The following PRTG variants were observed in gnomAD, a reference collection of about 807,000 sequenced individuals.
PRTG encodes the protein protogenin.
PRTG carries 67 observed loss-of-function variants against 122.5 expected under a neutral mutation model. That is an observed-to-expected ratio of 0.55 (90% CI 0.45 to 0.67). PRTG has a LOEUF of 0.67. Among genes scored for constraint, PRTG ranks in the 30% least tolerant of loss-of-function variants. The probability of loss-of-function intolerance (pLI) is 0.00; values close to 1 mark genes in which losing one functional copy is unlikely to be tolerated. For missense variants in PRTG, 1,435 were observed against 1,415.4 expected, an observed-to-expected ratio of 1.01 and a Z score of -0.22; for synonymous variants, 554 against 501.1, an observed-to-expected ratio of 1.11 and a Z score of -1.41.
At position 55,619,700 on chromosome 15, in the gene PRTG, T is replaced by C; in HGVS notation, c.*312A>G. Reference sequence around the variant, plus strand: ...GACCGTTCTTTCACATTGCTGACAATGAAACATTCAAATTACACAAGTTTA... The same window carrying C: ...GACCGTTCTTTCACATTGCTGACAACGAAACATTCAAATTACACAAGTTTA... On this transcript the variant is annotated 3_prime_UTR_variant, in exon 20 of 20. Transcript: ENST00000389286. 3.5e-6 allele frequency: 1 copy of C among 288,800 alleles called. No individual in the cohort carries two copies. Among genetic ancestry groups the C allele is most frequent in the East Asian group, 7.1e-5 (1 of 14,014 alleles). 17.9% of individuals were successfully genotyped at this position (288,800 alleles called of 1,614,324 possible).
chr15:55,675,954 G>A lies in PRTG; in HGVS notation c.1382-271C>T, dbSNP rs531849120. 5.9e-5 allele frequency among the ~76,000 whole-genome samples: 9 copies of A among 152,186 alleles called. No homozygotes were observed. In the East Asian group the frequency reaches 1.7e-3, roughly 29 times the overall value. On this transcript the variant is annotated intron_variant, in intron 8 of 19. Coordinates refer to ENST00000389286, the MANE Select transcript of PRTG (RefSeq NM_173814.6). ...ATTTACCATCTAGTCAAAACCCACA[G>A]CAGAGACAATGTACAGTAGTAACAT... is the stretch of plus-strand genomic sequence containing the variant.
intron 1 of PRTG, chr15:55,742,542 C>G (rs533318802): frequency 2.6e-6 from 1 of 381,434 alleles, no homozygotes; most frequent in Non-Finnish European, 4.7e-6. Flanking sequence ...AAGGAAGAGA[C>G]CAGAGTGGAC....
At chr15:55,733,738 A>G in intron 2 of PRTG, among the ~76,000 whole-genome samples, 1 of 152,078 alleles carries the variant, frequency 6.6e-6, no homozygotes, top group East Asian at 1.9e-4. Context: ...GAAGAGGGAA[A>G]ATCACTTGAG....
At chr15:55,712,378 A>C (rs1382084540) in intron 2 of PRTG, among the ~76,000 whole-genome samples, 1 of 152,218 alleles carries the variant, frequency 6.6e-6, no homozygotes, top group African/African-American at 2.4e-5. Context: ...TTTCTGTGCC[A>C]GCAAAGGTTT....
intron 11 of PRTG, among the ~76,000 whole-genome samples, chr15:55,664,121 T>C (rs2059424718): frequency 6.6e-6 from 1 of 152,132 alleles, no homozygotes; most frequent in South Asian, 2.1e-4. Flanking sequence ...TGTCTTGTTT[T>C]GTTTTGGCGG....
At position 55,617,062 on chromosome 15, in the gene PRTG, C is replaced by A. The variant is rs574086353; in HGVS notation, c.*2950G>T. On this transcript the variant is annotated 3_prime_UTR_variant, in exon 20 of 20. Coordinates refer to ENST00000389286, the MANE Select transcript of PRTG (RefSeq NM_173814.6). ...ATATTAGCCCCTTTGAAGTACAATA[C>A]CATGAAGTAATACCACTATGAAAAA... The A allele has an allele frequency of 3.3e-5, 5 of 152,140 alleles. No individual in the cohort carries two copies. The highest frequency in any genetic ancestry group is 1.2e-4 in the African/African-American group (5 of 41,530). 9.4% of individuals were successfully genotyped at this position (152,140 alleles called of 1,614,324 possible). A position where few individuals can be genotyped will look rare whatever the true frequency, so the allele number is the denominator to read the frequency against.
chr15:55,660,951 C>G (rs1041052285), intron 11 of PRTG, among the ~76,000 whole-genome samples: 2 of 152,060 alleles, frequency 1.3e-5, no homozygotes, highest in Non-Finnish European at 2.9e-5. Flanking sequence ...CCATTTGGAG[C>G]AGAGTTAAAC....
intron 2 of PRTG, chr15:55,738,063 TTC>T (rs2031488987): frequency 1.1e-5 from 1 of 94,430 alleles, no homozygotes; most frequent in Admixed American, 1.3e-4. Flanking sequence ...ACACACACTC[TTC>T]CTGTAAATAT....
intron 2 of PRTG, among the ~76,000 whole-genome samples, chr15:55,708,602 C>T (rs9673000): frequency 0.097 from 14,685 of 151,366 alleles, 843 homozygotes; most frequent in Middle Eastern, 0.18. Context: ...AGCAAGACTC[C>T]GTCTCAAAAA....
At position 55,620,544 on chromosome 15, in the gene PRTG, TCACAGC is replaced by T; in HGVS notation, c.3198+113_3198+118del. The stretch of plus-strand genomic sequence containing the variant: ...AGAGCCATGCCCCAAATTAATAAAA[TCACAGC>T]CATGAAGAACACAGAAAATTAAAAT... On this transcript the variant is annotated intron_variant, in intron 19 of 19. Transcript: ENST00000389286. 2.9e-6 allele frequency: 4 copies of T among 1,394,938 alleles called. No individual in the cohort carries two copies. The Admixed American group carries it at 1.2e-4, about 41-fold the overall frequency. 86.4% of individuals were successfully genotyped at this position (1,394,938 alleles called of 1,614,324 possible).
chr15:55,680,252 A>G (rs758208556), intron 5 of PRTG, 40 bp from the exon 6 acceptor site: 1 of 1,470,264 alleles, frequency 6.8e-7, no homozygotes, highest in African/African-American at 1.4e-5. Flanking sequence ...CAATGTAACA[A>G]ATAACCTGAA....
intron 15 of PRTG, among the ~76,000 whole-genome samples, chr15:55,633,827 T>G (rs577472168): frequency 3.9e-5 from 6 of 152,224 alleles, no homozygotes; most frequent in Non-Finnish European, 8.8e-5. Flanking sequence ...AAAAGTTCTC[T>G]GCATTTAACA....
At chr15:55,647,299 C>CA (rs1165059131) in intron 11 of PRTG, among the ~76,000 whole-genome samples, 1 of 152,070 alleles carries the variant, frequency 6.6e-6, no homozygotes, top group East Asian at 1.9e-4. Context: ...AAGGAAGAGT[C>CA]AGAGCCAGAA....
Position 55,615,947 on chromosome 15 carries a change from A to G in PRTG, c.*4065T>C, listed in dbSNP as rs2059140098. The stretch of plus-strand genomic sequence containing the variant: ...ATCCTGGGTTGTCAACCACGAGCAC[A>G]TTTCTGGCAGAAGTCCTTAACAAAG... On this transcript the variant is annotated 3_prime_UTR_variant, in exon 20 of 20. Transcript: ENST00000389286. 1.3e-5 allele frequency: 2 copies of G among 152,100 alleles called. No individual in the cohort carries two copies. Among genetic ancestry groups the G allele is most frequent in the Non-Finnish European group, 2.9e-5 (2 of 67,998 alleles). The allele number at this position is 152,100 out of a possible 1,614,324, so 9.4% of individuals were successfully genotyped here.
At chr15:55,635,071 C>T in intron 15 of PRTG, among the ~76,000 whole-genome samples, 1 of 31,582 alleles carries the variant, frequency 3.2e-5, no homozygotes, top group Non-Finnish European at 6.0e-5. Context: ...GTTGTTGGTT[C>T]TGGGTGTGTG....
intron 11 of PRTG, among the ~76,000 whole-genome samples, chr15:55,659,828 AG>A (rs1383202870): frequency 3.3e-5 from 5 of 152,100 alleles, no homozygotes; most frequent in Non-Finnish European, 5.9e-5. Context: ...CTGAGGCAGG[AG>A]AATCACTTGA....
At chr15:55,734,116 A>G (rs1240854626) in intron 2 of PRTG, among the ~76,000 whole-genome samples, 2 of 152,206 alleles carry the variant, frequency 1.3e-5, no homozygotes, top group East Asian at 3.8e-4. Flanking sequence ...CTAACACTGC[A>G]TACGACGCAC....
At chr15:55,731,694 C>T (rs1003540930) in intron 2 of PRTG, among the ~76,000 whole-genome samples, 1 of 151,988 alleles carries the variant, frequency 6.6e-6, no homozygotes, top group African/African-American at 2.4e-5. Flanking sequence ...TAATAGCAAT[C>T]GGTGGGAGTG....
chr15:55,635,952 T>G (rs1272037197), intron 15 of PRTG, among the ~76,000 whole-genome samples: 1 of 152,048 alleles, frequency 6.6e-6, no homozygotes, highest in African/African-American at 2.4e-5. Flanking sequence ...ATGTCTAAAT[T>G]AAGGAAGTGC....
Sources: allele counts gnomAD v4.1 joint callset (sites outside exome capture counted in the v4.1 genomes callset), GRCh38; gene constraint gnomAD v4.1.1; transcripts MANE v1.5; gene names NCBI Gene and HGNC (gene_info 2026-07-23, HGNC 2026-07-21).